The following PDE4B variants were observed in gnomAD, a reference collection of about 807,000 sequenced individuals.
PDE4B encodes the protein phosphodiesterase 4B.
PDE4B carries 20 observed loss-of-function variants against 82.2 expected under a neutral mutation model. The observed-to-expected ratio is 0.24, with a 90% CI of 0.17 to 0.35. The LOEUF (loss-of-function observed/expected upper bound fraction) is 0.35, where lower values mean the gene tolerates loss of function less well. PDE4B is among the 10% of genes least tolerant of loss of function. PDE4B has a pLI of 1.00. For synonymous variants in PDE4B, 320 were observed against 318.9 expected (o/e 1.00, Z -0.04); for missense variants, 655 against 907.2 (o/e 0.72, Z 3.57).
At chr1:66,139,987 C>T (rs1646139814) in intron 3 of PDE4B, among the ~76,000 whole-genome samples, 1 of 152,160 alleles carries the variant, frequency 6.6e-6, no homozygotes, top group Non-Finnish European at 1.5e-5. Flanking sequence ...CCACTAGACT[C>T]AACTTAAGAC....
At chr1:65,803,092 T>TA (rs1392621963) in intron 1 of PDE4B, among the ~76,000 whole-genome samples, 4 of 152,190 alleles carry the variant, frequency 2.6e-5, no homozygotes. Context: ...AAACTTGGCT[T>TA]AATCTCAGCA....
At chr1:66,077,597 A>G (rs1656502509) in intron 3 of PDE4B, among the ~76,000 whole-genome samples, 1 of 152,140 alleles carries the variant, frequency 6.6e-6, no homozygotes, top group Non-Finnish European at 1.5e-5. Flanking sequence ...TGAATGGTAT[A>G]CTGCCCTGAC....
intron 8 of PDE4B, among the ~76,000 whole-genome samples, chr1:66,352,596 A>T (rs1661923010): frequency 6.6e-6 from 1 of 152,226 alleles, no homozygotes; most frequent in Non-Finnish European, 1.5e-5. Context: ...GCTAGTAAAG[A>T]ACTGGTCCTA....
Position 66,368,817 on chromosome 1 carries a change from C to G in PDE4B, c.1693C>G (p.Leu565Val), listed in dbSNP as rs780920050. The change falls in exon 16 of 17, where the codon CTG becomes GTG. Residue 565 changes from leucine to valine, a missense_variant. Physicochemically the swap from Leu to Val is conservative, Grantham distance 32 (BLOSUM62 1). Around this residue, in one of 3 missense-constraint regions of PDE4B, gnomAD observed 283 missense variants for 516.4 expected, o/e 0.55. Coordinates refer to ENST00000341517, the MANE Select transcript of PDE4B (RefSeq NM_002600.4). ...VLRNMVHCAD[L>V]SNPTKSLELY... ...TCGCAACATGGTACACTGTGCAGAC[C>G]TGAGCAACCCCACCAAGTCCTTGGA... is the stretch of plus-strand genomic sequence containing the variant. 1.2e-6 allele frequency: 2 copies of G among 1,611,208 alleles called. No homozygotes were observed. The highest frequency in any genetic ancestry group is 1.3e-5 in the African/African-American group (1 of 74,754).
intron 7 of PDE4B, among the ~76,000 whole-genome samples, chr1:66,269,421 A>G (rs1392485291): frequency 2.0e-5 from 3 of 152,240 alleles, no homozygotes; most frequent in African/African-American, 7.2e-5. Flanking sequence ...TTGTAGTTTA[A>G]TGAGCATCTG....
chr1:66,033,201 T>A (rs933092087), intron 3 of PDE4B, among the ~76,000 whole-genome samples: 46 of 152,308 alleles, frequency 3.0e-4, no homozygotes, highest in Non-Finnish European at 4.9e-4. Context: ...GGTTTTTTAG[T>A]GCCTTCTATC....
At chr1:66,117,244 T>TA (rs1645613842) in intron 3 of PDE4B, among the ~76,000 whole-genome samples, 2 of 151,678 alleles carry the variant, frequency 1.3e-5, no homozygotes, top group Admixed American at 1.3e-4. Flanking sequence ...AGAAAAGTCT[T>TA]ACTAGTTGCC....
At chr1:66,365,251 C>T (rs781330926) in intron 12 of PDE4B, among the ~76,000 whole-genome samples, 44 of 152,166 alleles carry the variant, frequency 2.9e-4, no homozygotes, top group Admixed American at 2.6e-4. Flanking sequence ...GGCCATTTTT[C>T]TCTAAGTTAT....
chr1:66,338,990 G>A (rs1660747770), intron 8 of PDE4B, among the ~76,000 whole-genome samples: 1 of 144,350 alleles, frequency 6.9e-6, no homozygotes, highest in South Asian at 2.2e-4. Flanking sequence ...CTGCACTCCA[G>A]CCTGGGCGAC....
intron 3 of PDE4B, among the ~76,000 whole-genome samples, chr1:66,075,490 T>C (rs1656378369): frequency 6.6e-6 from 1 of 152,164 alleles, no homozygotes; most frequent in Non-Finnish European, 1.5e-5. Context: ...GAAAAGGTTC[T>C]CAGGGCCTTT....
At chr1:65,951,976 C>T (rs1218817527) in intron 3 of PDE4B, among the ~76,000 whole-genome samples, 2 of 152,082 alleles carry the variant, frequency 1.3e-5, no homozygotes, top group African/African-American at 4.8e-5. Flanking sequence ...GTGGGTTTCA[C>T]TCGTGTCTAC....
At chr1:66,124,934 T>TGTGTG in intron 3 of PDE4B, among the ~76,000 whole-genome samples, 1 of 151,636 alleles carries the variant, frequency 6.6e-6, no homozygotes, top group Admixed American at 6.6e-5. Flanking sequence ...TGTGTGTGTG[T>TGTGTG]GTGTGTGTGC....
At chr1:65,819,782 G>A (rs1645932232) in intron 1 of PDE4B, among the ~76,000 whole-genome samples, 1 of 152,012 alleles carries the variant, frequency 6.6e-6, no homozygotes, top group African/African-American at 2.4e-5. Context: ...ACCGCGCCTG[G>A]CATATTCTCT....
At position 66,308,551 on chromosome 1, in the gene PDE4B, A is replaced by C. The variant is rs554550826; in HGVS notation, c.635-23957A>C. On this transcript the variant is annotated intron_variant, in intron 7 of 16. Coordinates refer to ENST00000341517, the MANE Select transcript of PDE4B (RefSeq NM_002600.4). ...CATCTTGACATCTTGGCTTAATATC[A>C]AAGATTAGTGTTTGTCTCTTTGGAG... Among the ~76,000 whole-genome samples the C allele has an allele frequency of 6.6e-5, 10 of 152,320 alleles. No homozygotes were observed. In the East Asian group the frequency reaches 1.7e-3, roughly 26 times the overall value.
At chr1:65,910,871 C>G (rs1647082140) in intron 1 of PDE4B, among the ~76,000 whole-genome samples, 1 of 152,232 alleles carries the variant, frequency 6.6e-6, no homozygotes, top group East Asian at 1.9e-4. Flanking sequence ...TGGAGAAGGG[C>G]CAAGAGTGGG....
At chr1:66,174,643 C>A (rs1646898413) in intron 3 of PDE4B, among the ~76,000 whole-genome samples, 1 of 152,052 alleles carries the variant, frequency 6.6e-6, no homozygotes, top group African/African-American at 2.4e-5. Context: ...GTAATCCCAG[C>A]TACTCAGGAG....
intron 3 of PDE4B, among the ~76,000 whole-genome samples, chr1:66,006,526 G>T (rs915970850): frequency 6.6e-6 from 1 of 151,970 alleles, no homozygotes; most frequent in African/African-American, 2.4e-5. Context: ...CGAGAAAATT[G>T]CTTGAGGCCA....
At chr1:66,123,810 T>C (rs1410689420) in intron 3 of PDE4B, among the ~76,000 whole-genome samples, 4 of 152,226 alleles carry the variant, frequency 2.6e-5, no homozygotes, top group Non-Finnish European at 4.4e-5. Flanking sequence ...CTTGTGATCA[T>C]TAAATCCCTT....
intron 3 of PDE4B, among the ~76,000 whole-genome samples, chr1:66,083,233 C>T (rs1449047512): frequency 6.6e-6 from 1 of 152,020 alleles, no homozygotes; most frequent in Non-Finnish European, 1.5e-5. Context: ...TTAAATAGCT[C>T]GCTTGTGCCT....
Sources: gnomAD v4.1 joint callset for allele counts (sites outside exome capture counted in the v4.1 genomes callset) on GRCh38, gnomAD v4.1.1 for gene constraint, gnomAD v4.1.1 regional missense constraint, MANE v1.5 for transcripts, NCBI Gene and HGNC (gene_info 2026-07-23, HGNC 2026-07-21) for gene names.